CLBA1: variants seen among roughly 807,000 people sequenced by gnomAD.
CLBA1 encodes uncharacterized protein CLBA1.
CLBA1 carries 30 observed loss-of-function variants against 28.8 expected under a neutral mutation model. The ratio of observed to expected loss-of-function variants is 1.04; its 90% CI spans 0.78 to 1.41. The LOEUF is 1.41. CLBA1 is among the 40% of genes most tolerant of loss of function. The pLI is 0.00. For synonymous variants in CLBA1, 160 were observed against 152.8 expected, an observed-to-expected ratio of 1.05 and a Z score of -0.35; for missense variants, 451 against 412.3, an observed-to-expected ratio of 1.09 and a Z score of -0.81.
In CLBA1 at chr14:104,989,042, A is replaced by G. The variant is rs2140895129; in HGVS notation, c.523A>G (p.Ile175Val). 6.2e-7 allele frequency: 1 copy of G among 1,613,576 alleles called. No homozygotes were observed. Among genetic ancestry groups the G allele is most frequent in the African/African-American group, 1.3e-5 (1 of 75,046 alleles). The change falls in exon 2 of 5, where the codon ATA becomes GTA. Residue 175 changes from isoleucine to valine, a missense_variant. Transcript: ENST00000547315. ...DVSTIDHFLE[I>V]SSEEKPGVER... is the part of the protein sequence containing the mutation. ...TTCCACCATAGACCATTTCCTAGAA[A>G]TAAGCAGTGAAGAAAAACCTGGCGT...
chr14:105,001,188 A>T (rs1900260801), intron 2 of CLBA1, among the ~76,000 whole-genome samples: 1 of 152,176 alleles, frequency 6.6e-6, no homozygotes, highest in African/African-American at 2.4e-5. Context: ...GATCTCACTC[A>T]TACGTGGAAC....
chr14:104,998,753 G>A (rs576086849), downstream of CLBA1, among the ~76,000 whole-genome samples: 23 of 152,372 alleles, frequency 1.5e-4, no homozygotes, highest in African/African-American at 5.5e-4. Context: ...ACAGGCCTAG[G>A]CAAAGGAGCT....
downstream of CLBA1, among the ~76,000 whole-genome samples, chr14:105,000,139 C>T (rs923796099): frequency 2.6e-5 from 4 of 152,134 alleles, no homozygotes; most frequent in African/African-American, 4.8e-5. Context: ...CCTCGGAAAT[C>T]GGAGAAAATA....
Position 104,986,363 on chromosome 14 carries a change from C to A in CLBA1, c.-69C>A. ...GGGAAGGTTGGGCAGTCCTGGGCGG[C>A]CAGCACCCCGGCGTGCATGTCTCCT... On this transcript the variant is annotated 5_prime_UTR_variant, in exon 1 of 5. Transcript: ENST00000547315. The A allele has an allele frequency of 6.6e-7, 1 of 1,521,010 alleles. No individual in the cohort carries two copies. The highest frequency in any genetic ancestry group is 1.9e-5 in the Admixed American group (1 of 52,590). The allele number at this position is 1,521,010 out of a possible 1,614,324, so 94.2% of individuals were successfully genotyped here. A position where few individuals can be genotyped will look rare whatever the true frequency, so the allele number is the denominator to read the frequency against.
chr14:104,990,796 G>A (rs1038004200), intron 2 of CLBA1: 1 of 153,696 alleles, frequency 6.5e-6, no homozygotes, highest in African/African-American at 2.4e-5. Context: ...CTAGGCACTT[G>A]AGTGAACAAA....
downstream of CLBA1, among the ~76,000 whole-genome samples, chr14:105,000,120 A>G (rs1373227609): frequency 1.3e-5 from 2 of 152,250 alleles, no homozygotes; most frequent in African/African-American, 4.8e-5. Flanking sequence ...CAACACAGCC[A>G]GGAGACAGCC....
rs758221845 is a variant in CLBA1, at chr14:104,991,627, G to T, written c.699+7G>T. On this transcript the variant is annotated splice_region_variant and intron_variant, in intron 3 of 4. Transcript: ENST00000547315. ...AATAGATGCTGCGCAGAAGGTAGGC[G>T]GTTTGGGTTGACACAGGGCTCCTGG... 2 of 1,604,610 alleles carry T rather than the reference G, an allele frequency of 1.2e-6. No individual in the cohort carries two copies. The highest frequency in any genetic ancestry group is 1.7e-6 in the Non-Finnish European group (2 of 1,175,096).
intron 3 of CLBA1, 109 bp downstream of exon 3, chr14:104,991,729 C>A: frequency 7.2e-7 from 1 of 1,381,412 alleles, no homozygotes; most frequent in Non-Finnish European, 9.7e-7. Context: ...GGTGTGGGTT[C>A]AGGTGGGTTA....
chr14:104,990,429 A>G (rs1053690587), intron 2 of CLBA1: 1 of 151,914 alleles, frequency 6.6e-6, no homozygotes, highest in African/African-American at 2.4e-5. Context: ...CCTCCTGAGT[A>G]CTGGGACTAC....
rs1230797340 is a variant in CLBA1, at chr14:104,991,958, G to GCACACGCCGCCACA, written c.699+347_699+360dup. On this transcript the variant is annotated intron_variant, in intron 3 of 4. Coordinates refer to ENST00000547315, the MANE Select transcript of CLBA1 (RefSeq NM_174891.4). ...CATGCCACCACGCACACGCCGCCAC[G>GCACACGCCGCCACA]CACACGCCGCCACACACACGCCTCA... is the stretch of plus-strand genomic sequence containing the variant. 4.4e-3 allele frequency among the ~76,000 whole-genome samples: 660 copies of GCACACGCCGCCACA among 149,164 alleles called. 4 individuals carry two copies. The highest frequency in any genetic ancestry group is 7.5e-3 in the Non-Finnish European group (506 of 67,308).
chr14:104,999,023 C>T (rs1900215944), downstream of CLBA1, among the ~76,000 whole-genome samples: 1 of 152,236 alleles, frequency 6.6e-6, no homozygotes, highest in African/African-American at 2.4e-5. Context: ...CGTTTCTGCC[C>T]ACCTCGGCCT....
At chr14:104,988,760 C>T (rs1899937463) in intron 1 of CLBA1, among the ~76,000 whole-genome samples, 183 bp from the exon 2 acceptor site, 1 of 152,138 alleles carries the variant, frequency 6.6e-6, no homozygotes, top group Non-Finnish European at 1.5e-5. Context: ...CCCATGAGTC[C>T]TCTGGTTTTG....
chr14:104,991,681 TG>T, intron 3 of CLBA1, 61 bp downstream of exon 3: 1 of 1,538,514 alleles, frequency 6.5e-7, no homozygotes, highest in Non-Finnish European at 8.8e-7. Flanking sequence ...CTGTCACCAG[TG>T]GCCCTTGGCC....
intron 4 of CLBA1, chr14:104,993,865 A>G: frequency 1.0e-6 from 1 of 985,450 alleles, no homozygotes; most frequent in African/African-American, 1.7e-5. Context: ...GCGCAGGGGT[A>G]AAGTACTGCC....
At chr14:104,994,496 A>C in intron 4 of CLBA1, 102 bp from the exon 5 acceptor site, 1 of 1,467,194 alleles carries the variant, frequency 6.8e-7, no homozygotes, top group Non-Finnish European at 8.9e-7. Flanking sequence ...AGGAGAGAAC[A>C]CTAGGGGGCC....
chr14:105,000,999 G>A (rs556309897), intron 2 of CLBA1, among the ~76,000 whole-genome samples: 1 of 150,344 alleles, frequency 6.7e-6, no homozygotes, highest in South Asian at 2.1e-4. Context: ...ACCAACCTAG[G>A]TGTCCAACAA....
chr14:104,989,736 G>T, intron 2 of CLBA1: 1 of 454,340 alleles, frequency 2.2e-6, no homozygotes, highest in Non-Finnish European at 4.4e-6. Flanking sequence ...CCAGAGGGAG[G>T]AGGGAAGTGA....
At chr14:104,992,689 T>C (rs1270623664) in intron 3 of CLBA1, among the ~76,000 whole-genome samples, 1 of 152,132 alleles carries the variant, frequency 6.6e-6, no homozygotes, top group African/African-American at 2.4e-5. Context: ...GAAGGGTGTG[T>C]CTGAAAGTGG....
chr14:104,993,164 C>T (rs955240566), intron 4 of CLBA1, 100 bp downstream of exon 4: 7 of 1,534,420 alleles, frequency 4.6e-6, no homozygotes, highest in African/African-American at 1.4e-5. Flanking sequence ...TGCTTGTTTT[C>T]TTCCTTTAAG....
Sources: allele counts gnomAD v4.1 joint callset (sites outside exome capture counted in the v4.1 genomes callset), GRCh38; gene constraint gnomAD v4.1.1; transcripts MANE v1.5; gene names NCBI Gene and HGNC (gene_info 2026-07-23, HGNC 2026-07-21).